ACBD6: variants seen among roughly 807,000 people sequenced by gnomAD.
ACBD6 encodes acyl-CoA binding domain containing 6, also known as acyl-CoA-binding domain-containing protein 6.
Under a neutral mutation model 37.2 loss-of-function variants are expected in ACBD6, and 28 were observed. The observed-to-expected ratio is 0.75, with a 90% CI of 0.56 to 1.03. The LOEUF is 1.03. Ranked by LOEUF, ACBD6 falls within the 50% of genes least tolerant of loss-of-function variation. ACBD6 has a pLI of 0.00. For synonymous variants in ACBD6, 113 were observed against 126.8 expected, an observed-to-expected ratio of 0.89 and a Z score of 0.73; for missense variants, 340 against 337.4, an observed-to-expected ratio of 1.01 and a Z score of -0.06.
At chr1:180,357,314 A>T (rs1652667394) in intron 6 of ACBD6, among the ~76,000 whole-genome samples, 4 of 152,234 alleles carry the variant, frequency 2.6e-5, no homozygotes, top group Admixed American at 1.3e-4. Flanking sequence ...ATAGCATGCC[A>T]AACAGCAGAG....
At chr1:180,369,167 T>C (rs188722965) in intron 6 of ACBD6, among the ~76,000 whole-genome samples, 1 of 152,322 alleles carries the variant, frequency 6.6e-6, no homozygotes, top group African/African-American at 2.4e-5. Context: ...AACATTTGTG[T>C]GGGCCTGGGG....
intron 7 of ACBD6, among the ~76,000 whole-genome samples, chr1:180,312,188 T>A (rs1374102153): frequency 6.6e-6 from 1 of 152,222 alleles, no homozygotes; most frequent in Non-Finnish European, 1.5e-5. Flanking sequence ...CTTTATGAAA[T>A]CGAGTCTTCC....
At chr1:180,400,572 G>A (rs545455652) in intron 5 of ACBD6, among the ~76,000 whole-genome samples, 1 of 152,102 alleles carries the variant, frequency 6.6e-6, no homozygotes, top group African/African-American at 2.4e-5. Flanking sequence ...AACAAATCAG[G>A]CTTTGGAATT....
chr1:180,435,750 G>A (rs1372475186), intron 3 of ACBD6: 4 of 848,054 alleles, frequency 4.7e-6, no homozygotes, highest in Non-Finnish European at 8.3e-6. Flanking sequence ...ACGCACTTCA[G>A]AATAGCAGCC....
intron 3 of ACBD6, among the ~76,000 whole-genome samples, chr1:180,459,382 C>T (rs1375401394): frequency 6.6e-6 from 1 of 152,118 alleles, no homozygotes; most frequent in Non-Finnish European, 1.5e-5. Flanking sequence ...CCCATAAAGC[C>T]ATAGACTGAA....
chr1:180,495,102 C>T (rs546106817), intron 2 of ACBD6, among the ~76,000 whole-genome samples: 1 of 152,300 alleles, frequency 6.6e-6, no homozygotes, highest in African/African-American at 2.4e-5. Context: ...CTCTTCTGCC[C>T]TTCCCATCAT....
chr1:180,474,883 T>C (rs1265282640), intron 3 of ACBD6, among the ~76,000 whole-genome samples: 2 of 152,260 alleles, frequency 1.3e-5, no homozygotes, highest in African/African-American at 4.8e-5. Flanking sequence ...GTTGTCTCCC[T>C]ATAATTTACT....
intron 7 of ACBD6, among the ~76,000 whole-genome samples, chr1:180,297,419 G>T (rs1235365469): frequency 6.6e-6 from 1 of 152,178 alleles, no homozygotes; most frequent in African/African-American, 2.4e-5. Flanking sequence ...GAGCATTTGT[G>T]AATGCTATCT....
At chr1:180,401,174 G>A (rs781419558) in intron 5 of ACBD6, among the ~76,000 whole-genome samples, 1 of 152,146 alleles carries the variant, frequency 6.6e-6, no homozygotes, top group South Asian at 2.1e-4. Context: ...AGAAGACCAC[G>A]AACACTGGAG....
chr1:180,272,020 G>T lies in ACBD6; in HGVS notation c.*1254-49C>A, dbSNP rs3806302. On this transcript the variant is annotated intron_variant, in intron 13 of 13. Transcript: ENST00000642319. ...TGAGCTTCCGAGGTGAGCAGGGCTGGAGGGGCCAGGCCGAGGCCTTAGGAA... is the reference window on the plus strand; with the variant it reads ...TGAGCTTCCGAGGTGAGCAGGGCTGTAGGGGCCAGGCCGAGGCCTTAGGAA... 138,616 of 1,608,636 alleles carry T rather than the reference G, an allele frequency of 0.086. 7,685 individuals are homozygous for T. The highest frequency in any genetic ancestry group is 0.27 in the Admixed American group (16,062 of 59,592).
intron 6 of ACBD6, among the ~76,000 whole-genome samples, chr1:180,319,662 TCCCAG>T (rs1421450476): frequency 2.0e-5 from 3 of 152,176 alleles, no homozygotes; most frequent in African/African-American, 7.2e-5. Flanking sequence ...CTGCAACCCT[TCCCAG>T]CCTCTAGTGG....
At chr1:180,435,390 A>T in intron 3 of ACBD6, 1 of 401,400 alleles carries the variant, frequency 2.5e-6, no homozygotes, top group South Asian at 2.8e-5. Flanking sequence ...CTGGGACTAC[A>T]GGCGCCCGCC....
At chr1:180,324,568 G>A (rs1651189083) in intron 6 of ACBD6, among the ~76,000 whole-genome samples, 2 of 151,954 alleles carry the variant, frequency 1.3e-5, no homozygotes, top group African/African-American at 2.4e-5. Flanking sequence ...GTTTTGAAAA[G>A]TTATCCTAGT....
chr1:180,300,741 T>C (rs1401241272), intron 7 of ACBD6, among the ~76,000 whole-genome samples: 1 of 152,180 alleles, frequency 6.6e-6, no homozygotes, highest in Admixed American at 6.5e-5. Flanking sequence ...TTTATTAATG[T>C]ATAAACTCTT....
intron 6 of ACBD6, among the ~76,000 whole-genome samples, chr1:180,353,067 A>C (rs573148704): frequency 2.0e-4 from 31 of 152,316 alleles, no homozygotes; most frequent in Middle Eastern, 3.4e-3. Flanking sequence ...CTTAGAACTT[A>C]ACTGATATTA....
intron 3 of ACBD6, among the ~76,000 whole-genome samples, chr1:180,446,309 A>G (rs1649472218): frequency 6.6e-6 from 1 of 151,894 alleles, no homozygotes; most frequent in Admixed American, 6.6e-5. Context: ...CACCACACCC[A>G]GCCTTAAGTG....
intron 6 of ACBD6, among the ~76,000 whole-genome samples, chr1:180,346,575 CCTCAAGTAACTAAGAGGACTGCAAA>C (rs1416208455): frequency 6.6e-6 from 1 of 152,058 alleles, no homozygotes; most frequent in African/African-American, 2.4e-5. Flanking sequence ...GGAATGAGGG[CCTCAAGTAACTAAGAGGACTGCAAA>C]CTCTAGATGA....
chr1:180,437,643 C>T (rs933700105), intron 3 of ACBD6, among the ~76,000 whole-genome samples: 2 of 152,106 alleles, frequency 1.3e-5, no homozygotes, highest in African/African-American at 4.8e-5. Context: ...TGTTATTCAG[C>T]AAAGTTGCAG....
At chr1:180,328,731 A>G (rs1447315576) in intron 6 of ACBD6, among the ~76,000 whole-genome samples, 1 of 152,154 alleles carries the variant, frequency 6.6e-6, no homozygotes, top group African/African-American at 2.4e-5. Flanking sequence ...GTAAATTTTA[A>G]TAGTATTTCT....
Sources: gnomAD v4.1 joint callset for allele counts (sites outside exome capture counted in the v4.1 genomes callset) on GRCh38, gnomAD v4.1.1 for gene constraint, MANE v1.5 for transcripts, NCBI Gene and HGNC (gene_info 2026-07-23, HGNC 2026-07-21) for gene names.